Variants in MADCAM1 observed in about 807,000 individuals in gnomAD.
The protein encoded by MADCAM1 is mucosal vascular addressin cell adhesion molecule 1.
In MADCAM1, 19 loss-of-function variants were observed where a neutral mutation model predicts 26.1. The observed-to-expected ratio is 0.73, with a 90% CI of 0.51 to 1.07. MADCAM1 has a LOEUF of 1.07. Ranked by LOEUF, MADCAM1 falls within the 50% of genes least tolerant of loss-of-function variation. The pLI is 0.00. For synonymous variants in MADCAM1, 268 were observed against 260.9 expected, an observed-to-expected ratio of 1.03 and a Z score of -0.26; for missense variants, 514 against 542.1, an observed-to-expected ratio of 0.95 and a Z score of 0.51.
intron 3 of MADCAM1, chr19:499,184 C>G: frequency 1.9e-6 from 1 of 513,530 alleles, no homozygotes; most frequent in South Asian, 1.5e-5. Context: ...GCCTCCTCGC[C>G]TCCTCGCTGT....
In MADCAM1 at chr19:498,816, G is replaced by A. The variant is rs1978301038; in HGVS notation, c.658G>A (p.Ala220Thr). ...TGGCTTGGAGCTCAGCCACCGCCAGGCCATCCCCGGTGAGTCCGCTGGGTG... is the reference window on the plus strand; with the variant it reads ...TGGCTTGGAGCTCAGCCACCGCCAGACCATCCCCGGTGAGTCCGCTGGGTG... ...LPGLELSHRQ[A>T]IPVLHSPTSP... Residue 220 changes from alanine to threonine, a missense_variant, in exon 3 of 5, where the codon GCC (alanine) becomes ACC (threonine). Coordinates refer to ENST00000215637, the MANE Select transcript of MADCAM1 (RefSeq NM_130760.3). 2.2e-6 allele frequency: 3 copies of A among 1,367,392 alleles called. No homozygotes were observed. Among genetic ancestry groups the A allele is most frequent in the African/African-American group, 1.7e-5 (1 of 60,496 alleles). The allele number at this position is 1,367,392 out of a possible 1,614,324, so 84.7% of individuals were successfully genotyped here.
At chr19:503,410 T>C (rs1013427823) in intron 4 of MADCAM1, among the ~76,000 whole-genome samples, 1 of 150,210 alleles carries the variant, frequency 6.7e-6, no homozygotes, top group Non-Finnish European at 1.5e-5. Flanking sequence ...TGAAACCCCG[T>C]CTCCACTAAA....
intron 3 of MADCAM1, among the ~76,000 whole-genome samples, chr19:500,783 T>C (rs2145820476): frequency 6.6e-6 from 1 of 152,070 alleles, no homozygotes; most frequent in South Asian, 2.1e-4. Flanking sequence ...GGCGGGAGAA[T>C]CGCTTGAACC....
chr19:498,085 C>T lies in MADCAM1; in HGVS notation c.305C>T (p.Thr102Ile). 6.9e-7 allele frequency: 1 copy of T among 1,444,036 alleles called. No homozygotes were observed. Among genetic ancestry groups the T allele is most frequent in the Non-Finnish European group, 9.1e-7 (1 of 1,104,060 alleles). 89.5% of individuals were successfully genotyped at this position (1,444,036 alleles called of 1,614,324 possible). Residue 102 changes from threonine (T) to isoleucine (I), a missense_variant, in exon 2 of 5, where the codon ACC (threonine) becomes ATC (isoleucine). Physicochemically the swap from Thr to Ile is moderately conservative, Grantham distance 89 (BLOSUM62 -1). Around this residue, in one of 3 missense-constraint regions of MADCAM1, gnomAD observed 317 missense variants for 313.6 expected, o/e 1.01. Coordinates refer to ENST00000215637, the MANE Select transcript of MADCAM1 (RefSeq NM_130760.3). ...TGCGTGGGCTCCTGCGGGGGCCGCA[C>T]CTTCCAGCACACCGTGCAGCTCCTT... ...RVCVGSCGGR[T>I]FQHTVQLLVY...
At chr19:503,442 G>A (rs1203510819) in intron 4 of MADCAM1, among the ~76,000 whole-genome samples, 5 of 149,902 alleles carry the variant, frequency 3.3e-5, no homozygotes, top group South Asian at 4.2e-4. Flanking sequence ...TTAGCCGGGC[G>A]TGGCAGCGGG....
intron 4 of MADCAM1, 116 bp downstream of exon 4, chr19:502,045 C>G: frequency 4.4e-6 from 5 of 1,148,664 alleles, no homozygotes; most frequent in Non-Finnish European, 5.8e-6. Context: ...CCCGTCTGCC[C>G]AGCCTCAGTT....
At chr19:498,354 G>C (rs1054418769) in intron 2 of MADCAM1, 142 bp from the exon 3 acceptor site, 14 of 989,416 alleles carry the variant, frequency 1.4e-5, no homozygotes, top group Non-Finnish European at 1.9e-5. Flanking sequence ...CGGGGCCTGC[G>C]CACAGGCCGT....
intron 3 of MADCAM1, 72 bp downstream of exon 3, chr19:498,897 G>T: frequency 4.1e-6 from 2 of 486,248 alleles, no homozygotes; most frequent in South Asian, 3.2e-5. Context: ...CGGGGTGGGG[G>T]GGTGGGGGGG....
chr19:499,697 G>A lies in MADCAM1; in HGVS notation c.667+872G>A, dbSNP rs117134134. The A allele has an allele frequency of 1.5e-3, 622 of 404,086 alleles. 11 individuals carry two copies. In the East Asian group the frequency reaches 0.038, roughly 25 times the overall value. 25.0% of individuals were successfully genotyped at this position (404,086 alleles called of 1,614,324 possible). On this transcript the variant is annotated intron_variant, in intron 3 of 4. Coordinates refer to ENST00000215637, the MANE Select transcript of MADCAM1 (RefSeq NM_130760.3). ...GCTCCCCAGGTGGGAATCTTGTGTCGCGCACGGCTGTGTCCACAGAAGCTA... is the reference window on the plus strand; with the variant it reads ...GCTCCCCAGGTGGGAATCTTGTGTCACGCACGGCTGTGTCCACAGAAGCTA...
In MADCAM1 at chr19:504,255, C is replaced by CA. The variant is rs1270034691; in HGVS notation, c.929-490_929-489insA. 5.2e-3 allele frequency among the ~76,000 whole-genome samples: 457 copies of CA among 88,132 alleles called. 48 individuals carry two copies. The highest frequency in any genetic ancestry group is 8.5e-3 in the Admixed American group (62 of 7,336). 57.8% of individuals were successfully genotyped at this position (88,132 alleles called of 152,430 possible). On this transcript the variant is annotated intron_variant, in intron 4 of 4. Transcript: ENST00000215637. ...TGAGCCGTCCTCTCTCCGGTCTGCCCTTTTTTTTTTTTTTTTTTTTTTTTG... is the reference window on the plus strand; with the variant it reads ...TGAGCCGTCCTCTCTCCGGTCTGCCCATTTTTTTTTTTTTTTTTTTTTTTTG...
chr19:501,485 CAAAAAAAAAAAAAA>C (rs60370701), intron 3 of MADCAM1, 170 bp from the exon 4 acceptor site: 112 of 83,508 alleles, frequency 1.3e-3, no homozygotes, highest in Middle Eastern at 4.3e-3. Context: ...AACTCTGTCT[CAAAAAAAAAAAAAA>C]AAAAAAAAAA....
rs1978301137 is a variant in MADCAM1 at position 498,824 on chromosome 19, C to T, written c.666C>T (p.Pro222=). Residue 222 remains proline (P), a splice_region_variant and synonymous_variant, in exon 3 of 5, where the codon CCC becomes CCT. Transcript: ENST00000215637. ...AGCTCAGCCACCGCCAGGCCATCCCCGGTGAGTCCGCTGGGTGCCCTGGAG... is the reference window on the plus strand; with the variant it reads ...AGCTCAGCCACCGCCAGGCCATCCCTGGTGAGTCCGCTGGGTGCCCTGGAG... ...GLELSHRQAI[P]VLHSPTSPEP... The T allele has an allele frequency of 1.6e-6, 2 of 1,241,048 alleles. No homozygotes were observed. The highest frequency in any genetic ancestry group is 2.5e-5 in the South Asian group (2 of 78,550). 76.9% of individuals were successfully genotyped at this position (1,241,048 alleles called of 1,614,324 possible). A position where few individuals can be genotyped will look rare whatever the true frequency, so the allele number is the denominator to read the frequency against.
In MADCAM1 at chr19:498,036, C is replaced by A; in HGVS notation, c.256C>A (p.Leu86Met). 1 of 1,493,146 alleles carries A rather than the reference C, an allele frequency of 6.7e-7. No individual in the cohort carries two copies. Among genetic ancestry groups the A allele is most frequent in the South Asian group, 1.3e-5 (1 of 78,380 alleles). 92.5% of individuals were successfully genotyped at this position (1,493,146 alleles called of 1,614,324 possible). A position where few individuals can be genotyped will look rare whatever the true frequency, so the allele number is the denominator to read the frequency against. ...CGTCCTCACCGTGCGCAACGCCTCG[C>A]TGTCGGCGGCCGGGACCCGCGTGTG... ...RSVLTVRNASLSAAGTRVCVG... is the reference protein window; with the variant it reads ...RSVLTVRNASMSAAGTRVCVG... The change falls in exon 2 of 5, where the codon CTG becomes ATG. Residue 86 changes from leucine to methionine, a missense_variant. By Grantham distance (15) the Leu-to-Met change is conservative. Coordinates refer to ENST00000215637, the MANE Select transcript of MADCAM1 (RefSeq NM_130760.3).
rs1004296185 is a variant in MADCAM1, at chr19:505,037, C to T, written c.*72C>T. ...CAAGTTGAGAACTGGTCAGGGCAAA[C>T]CTGCCTCCCATTCTACTCAAAGTCA... On this transcript the variant is annotated 3_prime_UTR_variant, in exon 5 of 5. Coordinates refer to ENST00000215637, the MANE Select transcript of MADCAM1 (RefSeq NM_130760.3). 1 of 1,118,340 alleles carries T rather than the reference C, an allele frequency of 8.9e-7. No individual in the cohort carries two copies. Among genetic ancestry groups the T allele is most frequent in the East Asian group, 2.6e-5 (1 of 38,024 alleles). 69.3% of individuals were successfully genotyped at this position (1,118,340 alleles called of 1,614,324 possible).
chr19:500,077 C>T (rs971522382), intron 3 of MADCAM1: 5 of 455,792 alleles, frequency 1.1e-5, no homozygotes, highest in Non-Finnish European at 2.2e-5. Flanking sequence ...CTCAGTCTCC[C>T]CATCAGTCCC....
At position 496,522 on chromosome 19, in the gene MADCAM1, T is replaced by C; in HGVS notation, c.23T>C (p.Leu8Pro). 7.7e-7 allele frequency: 1 copy of C among 1,305,212 alleles called. No homozygotes were observed. The highest frequency in any genetic ancestry group is 9.8e-7 in the Non-Finnish European group (1 of 1,020,646). The allele number at this position is 1,305,212 out of a possible 1,614,324, so 80.9% of individuals were successfully genotyped here. Residue 8 changes from leucine to proline, a missense_variant, in exon 1 of 5, where the codon CTG becomes CCG. Transcript: ENST00000215637. ...AGCATGGATTTCGGACTGGCCCTCC[T>C]GCTGGCGGGGCTTCTGGGGCTCCTC... Reference protein sequence around the residue: MDFGLALLLAGLLGLLLG... With the variant: MDFGLALPLAGLLGLLLG...
At chr19:501,248 G>A (rs1267938212) in intron 3 of MADCAM1, among the ~76,000 whole-genome samples, 1 of 151,312 alleles carries the variant, frequency 6.6e-6, no homozygotes, top group Admixed American at 6.6e-5. Context: ...CACTTTGGGA[G>A]GCCGAGGTGG....
Position 498,490 on chromosome 19 carries a change from T to C in MADCAM1, c.338-6T>C. 1 of 1,461,338 alleles carries C rather than the reference T, an allele frequency of 6.8e-7. No individual in the cohort carries two copies. Among genetic ancestry groups the C allele is most frequent in the Non-Finnish European group, 9.0e-7 (1 of 1,111,816 alleles). The allele number at this position is 1,461,338 out of a possible 1,614,324, so 90.5% of individuals were successfully genotyped here. A position where few individuals can be genotyped will look rare whatever the true frequency, so the allele number is the denominator to read the frequency against. ...CTCAGCCCTCACCCCCGACCCTCCA[T>C]CACAGCCTTCCCGGACCAGCTGACC... On this transcript the variant is annotated splice_polypyrimidine_tract_variant and splice_region_variant and intron_variant, in intron 2 of 4. Coordinates refer to ENST00000215637, the MANE Select transcript of MADCAM1 (RefSeq NM_130760.3).
intron 1 of MADCAM1, among the ~76,000 whole-genome samples, chr19:497,110 GGGGCTCAGGAGAGAGA>G: frequency 3.5e-5 from 1 of 28,876 alleles, no homozygotes; most frequent in African/African-American, 1.9e-4. Context: ...GAGAGTGGAG[GGGGCTCAGGAGAGAGA>G]AGGGGCTCAG....
Sources: allele counts gnomAD v4.1 joint callset (sites outside exome capture counted in the v4.1 genomes callset), GRCh38; gene constraint gnomAD v4.1.1; regional missense constraint gnomAD v4.1.1; transcripts MANE v1.5; gene names NCBI Gene and HGNC (gene_info 2026-07-23, HGNC 2026-07-21).